SPATA9: variants seen among roughly 807,000 people sequenced by gnomAD.
The protein encoded by SPATA9 is spermatogenesis associated 9.
Under a neutral mutation model 25.5 loss-of-function variants are expected in SPATA9, and 27 were observed. That is an observed-to-expected ratio of 1.06 (90% CI 0.78 to 1.46). SPATA9 has a LOEUF of 1.46. SPATA9 is among the 40% of genes most tolerant of loss of function. SPATA9 has a pLI of 0.00. For missense variants in SPATA9, 282 were observed against 297.5 expected (o/e 0.95, Z 0.38); for synonymous variants, 102 against 105.7 (o/e 0.97, Z 0.21).
chr5:95,659,722 C>A (rs2112545598), intron 4 of SPATA9: 1 of 152,362 alleles, frequency 6.6e-6, no homozygotes, highest in Non-Finnish European at 1.5e-5. Flanking sequence ...TGAACAGCCT[C>A]AACTTCCTCT....
intron 3 of SPATA9, among the ~76,000 whole-genome samples, chr5:95,666,322 A>G (rs754648888): frequency 5.3e-5 from 8 of 152,166 alleles, no homozygotes; most frequent in Non-Finnish European, 1.2e-4. Context: ...CATTACAGGG[A>G]TGGACTCTGG....
At chr5:95,728,071 G>A in the SPATA9 span, among the ~76,000 whole-genome samples, 13 of 152,208 alleles carry the variant, frequency 8.5e-5, no homozygotes, top group Non-Finnish European at 1.8e-4. Context: ...ATCATATTCC[G>A]TTGATGAGAA....
downstream of SPATA9, chr5:95,652,362 C>G (rs994339062): frequency 1.3e-6 from 2 of 1,546,368 alleles, no homozygotes; most frequent in South Asian, 2.4e-5. Flanking sequence ...GACCTGGAAA[C>G]TCCCCAGTTT....
intron 2 of SPATA9, among the ~76,000 whole-genome samples, chr5:95,681,872 T>C (rs182579352): frequency 6.6e-6 from 1 of 152,350 alleles, no homozygotes; most frequent in Non-Finnish European, 1.5e-5. Flanking sequence ...CTTCACAGCA[T>C]ATTCTATTCC....
intron 2 of SPATA9, among the ~76,000 whole-genome samples, chr5:95,682,202 A>G (rs1200239619): frequency 6.6e-6 from 1 of 152,180 alleles, no homozygotes; most frequent in African/African-American, 2.4e-5. Flanking sequence ...GATTTGACAT[A>G]GATTTTTGCT....
At chr5:95,700,722 C>T (rs1301992644), upstream of SPATA9, among the ~76,000 whole-genome samples, 2 of 152,094 alleles carry the variant, frequency 1.3e-5, no homozygotes, top group South Asian at 4.1e-4. Context: ...GCACTGTGCC[C>T]GGCCCCAATA....
the SPATA9 span, among the ~76,000 whole-genome samples, chr5:95,718,601 T>G: frequency 6.6e-6 from 1 of 152,152 alleles, no homozygotes; most frequent in Non-Finnish European, 1.5e-5. Context: ...AATGCTCAAT[T>G]GAAGTTGGAG....
At chr5:95,727,169 C>T in the SPATA9 span, among the ~76,000 whole-genome samples, 25 of 152,266 alleles carry the variant, frequency 1.6e-4, no homozygotes, top group African/African-American at 5.5e-4. Context: ...AGCAATAAGA[C>T]TGCTCTGATT....
Position 95,689,594 on chromosome 5 carries a change from T to C in SPATA9, n.124+8994A>G, listed in dbSNP as rs138187765. ...GCTAAGTCTCATTCAGTCATTTTCT[T>C]GTTAGTATTAATATTGGTTTTGTTA... is the stretch of plus-strand genomic sequence containing the variant. On this transcript the variant is annotated intron_variant and non_coding_transcript_variant, in intron 1 of 2. Transcript: ENST00000379990. Among the ~76,000 whole-genome samples the C allele has an allele frequency of 6.1e-3, 936 of 152,306 alleles. 5 individuals are homozygous for C. The highest frequency in any genetic ancestry group is 9.6e-3 in the Non-Finnish European group (654 of 68,018).
upstream of SPATA9, among the ~76,000 whole-genome samples, chr5:95,699,356 A>G (rs1754123032): frequency 6.6e-6 from 1 of 152,206 alleles, no homozygotes; most frequent in Non-Finnish European, 1.5e-5. Context: ...TACAGTAAGT[A>G]TCACAGTGCC....
At chr5:95,654,528 A>G (rs1750606349), downstream of SPATA9, among the ~76,000 whole-genome samples, 4 of 152,214 alleles carry the variant, frequency 2.6e-5, no homozygotes, top group Admixed American at 2.0e-4. Context: ...TTGACCTAGC[A>G]ATTATACTCT....
downstream of SPATA9, chr5:95,657,681 C>G (rs945664239): frequency 4.6e-5 from 7 of 152,078 alleles, no homozygotes; most frequent in Admixed American, 6.6e-5. Context: ...ATTACACTTC[C>G]TTTTCTGTTG....
At position 95,675,491 on chromosome 5, in the gene SPATA9, C is replaced by G. The variant is rs1419903428; in HGVS notation, c.299G>C (p.Arg100Thr). The change falls in exon 3 of 5, where the codon AGA (arginine) becomes ACA (threonine). Residue 100 changes from arginine (R) to threonine (T), a missense_variant. Physicochemically the swap from Arg to Thr is moderately conservative, Grantham distance 71. Transcript: ENST00000274432. ...AGATATGTCCCTTAGCTCTAAAAGT[C>G]TGCATGCAAGCTGAGGATGCAGAAG... is the stretch of plus-strand genomic sequence containing the variant. The part of the protein sequence containing the change: ...AKLLHPQLAC[R>T]LLELRDISGR... 3.1e-6 allele frequency: 5 copies of G among 1,614,164 alleles called. No homozygotes were observed. Among genetic ancestry groups the G allele is most frequent in the Non-Finnish European group, 4.2e-6 (5 of 1,180,034 alleles).
At chr5:95,660,716 C>T (rs567982180) in intron 4 of SPATA9, among the ~76,000 whole-genome samples, 1 of 152,248 alleles carries the variant, frequency 6.6e-6, no homozygotes, top group African/African-American at 2.4e-5. Context: ...TATATTTGTG[C>T]ACATTCTAAC....
At chr5:95,660,121 A>G (rs1435923407) in intron 4 of SPATA9, among the ~76,000 whole-genome samples, 1 of 152,114 alleles carries the variant, frequency 6.6e-6, no homozygotes, top group African/African-American at 2.4e-5. Flanking sequence ...TTTATTTCTC[A>G]CAGTTCTGGA....
At chr5:95,702,874 C>T (rs1754210784), upstream of SPATA9, among the ~76,000 whole-genome samples, 1 of 152,148 alleles carries the variant, frequency 6.6e-6, no homozygotes, top group African/African-American at 2.4e-5. Flanking sequence ...GAGCAAGACT[C>T]TGCTTCAAAA....
chr5:95,667,011 C>T (rs1300235972), intron 3 of SPATA9, among the ~76,000 whole-genome samples: 1 of 152,192 alleles, frequency 6.6e-6, no homozygotes, highest in African/African-American at 2.4e-5. Context: ...TTCTATTCTA[C>T]TGGCTTTCCT....
the SPATA9 span, among the ~76,000 whole-genome samples, chr5:95,723,889 G>GA: frequency 6.6e-6 from 1 of 151,964 alleles, no homozygotes; most frequent in Admixed American, 6.6e-5. Context: ...ACCCCATCAG[G>GA]AAAAAATGTG....
In SPATA9 at chr5:95,694,162, A is replaced by G. The variant is rs371492097; in HGVS notation, n.124+4426T>C. Reference sequence around the variant, plus strand: ...GAAAGAGAGCAAGACCTAGTCTCAAAAAAAAGGCAAATAAATAAGTATTAC... The same window carrying G: ...GAAAGAGAGCAAGACCTAGTCTCAAGAAAAAGGCAAATAAATAAGTATTAC... On this transcript the variant is annotated intron_variant and non_coding_transcript_variant, in intron 1 of 2. Coordinates refer to the SPATA9 transcript ENST00000379990. Among the ~76,000 whole-genome samples the G allele has an allele frequency of 4.6e-5, 7 of 152,298 alleles. No individual in the cohort carries two copies. The East Asian group carries it at 1.3e-3, about 29-fold the overall frequency.
Sources: gnomAD v4.1 joint callset for allele counts (sites outside exome capture counted in the v4.1 genomes callset) on GRCh38, gnomAD v4.1.1 for gene constraint, MANE v1.5 for transcripts, NCBI Gene and HGNC (gene_info 2026-07-23, HGNC 2026-07-21) for gene names.